GSE1: variants seen among roughly 807,000 people sequenced by gnomAD.
The protein encoded by GSE1 is Gse1 coiled-coil protein.
Under a neutral mutation model 112.6 loss-of-function variants are expected in GSE1, and 32 were observed. The ratio of observed to expected loss-of-function variants is 0.28; its 90% CI spans 0.21 to 0.38. The LOEUF is 0.38. Among genes scored for constraint, GSE1 ranks in the 10% least tolerant of loss-of-function variants. The pLI, the probability that GSE1 is intolerant of heterozygous loss-of-function variation, is 1.00. For missense variants in GSE1, 2,348 were observed against 1,699.2 expected (o/e 1.38, Z -6.71); for synonymous variants, 1,115 against 735.6 (o/e 1.52, Z -8.35).
Position 85,489,568 on chromosome 16 carries a change from C to T in GSE1, c.2464+131925C>T, listed in dbSNP as rs570009594. 3.9e-4 allele frequency among the ~76,000 whole-genome samples: 59 copies of T among 152,130 alleles called. No homozygotes were observed. In the South Asian group the frequency reaches 0.011, roughly 28 times the overall value. On this transcript the variant is annotated intron_variant, in intron 2 of 2. Transcript: ENST00000637419. Reference sequence around the variant, plus strand: ...CCCGCAGCGCCTGCCCCACAGCCCCCGCCCCATAGCACCCACCCCACAAGC... The same window carrying T: ...CCCGCAGCGCCTGCCCCACAGCCCCTGCCCCATAGCACCCACCCCACAAGC...
At chr16:85,626,901 G>T (rs1234837902) in intron 1 of GSE1, among the ~76,000 whole-genome samples, 1 of 152,016 alleles carries the variant, frequency 6.6e-6, no homozygotes, top group Non-Finnish European at 1.5e-5. Context: ...AAATCCTGCT[G>T]TTGGAGCGTT....
At chr16:85,427,617 G>C (rs2049023513) in intron 2 of GSE1, among the ~76,000 whole-genome samples, 1 of 152,108 alleles carries the variant, frequency 6.6e-6, no homozygotes, top group Admixed American at 6.6e-5. Flanking sequence ...ACTCCAGTCT[G>C]GGCGACAGAG....
At chr16:85,549,761 G>T (rs924571214) in intron 2 of GSE1, among the ~76,000 whole-genome samples, 1 of 152,196 alleles carries the variant, frequency 6.6e-6, no homozygotes, top group Non-Finnish European at 1.5e-5. Context: ...GACTAGAGCC[G>T]GACAGAAAGA....
At chr16:85,660,654 G>A (rs1376074805) in intron 8 of GSE1, among the ~76,000 whole-genome samples, 2 of 151,522 alleles carry the variant, frequency 1.3e-5, no homozygotes, top group African/African-American at 2.4e-5. Flanking sequence ...TTTTTGAGAC[G>A]GAGTCTTGCT....
At chr16:85,281,847 G>A (rs751031270) in intron 1 of GSE1, among the ~76,000 whole-genome samples, 40 of 152,146 alleles carry the variant, frequency 2.6e-4, no homozygotes, top group Non-Finnish European at 4.4e-4. Flanking sequence ...GAAGCAAAGC[G>A]GAATAGATTC....
chr16:85,344,823 G>C (rs1258642940), intron 1 of GSE1, among the ~76,000 whole-genome samples: 4 of 152,216 alleles, frequency 2.6e-5, no homozygotes, highest in African/African-American at 9.6e-5. Flanking sequence ...GAGAAGGGAG[G>C]GGAGGAGCCG....
chr16:85,312,981 GGGTTGCA>G (rs2045894795), intron 1 of GSE1, among the ~76,000 whole-genome samples: 1 of 152,068 alleles, frequency 6.6e-6, no homozygotes, highest in Admixed American at 6.5e-5. Context: ...AGGGCCAGCC[GGGTTGCA>G]GGTCCCTGGA....
intron 1 of GSE1, among the ~76,000 whole-genome samples, chr16:85,265,478 A>C (rs1361646075): frequency 6.6e-6 from 1 of 152,268 alleles, no homozygotes; most frequent in African/African-American, 2.4e-5. Flanking sequence ...GCCCCAGTTC[A>C]GGCCAATTCC....
At chr16:85,272,570 G>A (rs571707854) in intron 1 of GSE1, among the ~76,000 whole-genome samples, 6 of 152,152 alleles carry the variant, frequency 3.9e-5, no homozygotes, top group Non-Finnish European at 7.3e-5. Context: ...GGCAGTGGGA[G>A]GGGTGGAGCC....
chr16:85,282,302 A>G (rs1380728790), intron 1 of GSE1, among the ~76,000 whole-genome samples: 3 of 152,212 alleles, frequency 2.0e-5, no homozygotes, highest in African/African-American at 7.2e-5. Context: ...CTGGGATTAC[A>G]GGCGTGAGCC....
intron 1 of GSE1, among the ~76,000 whole-genome samples, chr16:85,224,491 G>T (rs1031272303): frequency 2.6e-5 from 4 of 152,052 alleles, no homozygotes; most frequent in Non-Finnish European, 5.9e-5. Flanking sequence ...GTTGGAGCCT[G>T]ACTCTCTAGG....
chr16:85,631,258 C>T (rs950942866), intron 1 of GSE1, among the ~76,000 whole-genome samples: 1 of 152,244 alleles, frequency 6.6e-6, no homozygotes, highest in Non-Finnish European at 1.5e-5. Context: ...CGGAGGTCCT[C>T]TGGACTGCCC....
At chr16:85,615,273 T>TGC (rs923285973) in intron 1 of GSE1, among the ~76,000 whole-genome samples, 6 of 152,292 alleles carry the variant, frequency 3.9e-5, no homozygotes, top group African/African-American at 1.4e-4. Flanking sequence ...CCGCCGGCTG[T>TGC]GCAGGGAGTC....
intron 1 of GSE1, among the ~76,000 whole-genome samples, chr16:85,305,048 G>T (rs149360876): frequency 6.6e-6 from 1 of 152,278 alleles, no homozygotes; most frequent in Non-Finnish European, 1.5e-5. Context: ...AACTCCTTAT[G>T]AGAGGCCCTC....
chr16:85,482,753 G>A (rs1567524639), intron 2 of GSE1, among the ~76,000 whole-genome samples: 3 of 152,128 alleles, frequency 2.0e-5, no homozygotes, highest in South Asian at 2.1e-4. Flanking sequence ...CAAGGAGGGC[G>A]GATCACCTGA....
chr16:85,605,600 G>A (rs567397965), intron 1 of GSE1, among the ~76,000 whole-genome samples: 4 of 152,136 alleles, frequency 2.6e-5, no homozygotes, highest in Admixed American at 2.6e-4. Flanking sequence ...CGGGTGTGCA[G>A]TGGGTGGAGA....
Position 85,668,368 on chromosome 16 carries a change from A to G in GSE1, c.3359A>G (p.Lys1120Arg), listed in dbSNP as rs751686763. The G allele has an allele frequency of 1.1e-5, 17 of 1,613,438 alleles. 1 individual carries two copies. In the South Asian group the frequency reaches 1.1e-4, roughly 10 times the overall value. ...GGAGAAGATGAGGAGGAAGTCCCCAAGCGCAAGTGGCAAGGGATCGAGGCC... is the reference window on the plus strand; with the variant it reads ...GGAGAAGATGAGGAGGAAGTCCCCAGGCGCAAGTGGCAAGGGATCGAGGCC... ...EDGEDEEEVP[K>R]RKWQGIEAVF... is the part of the protein sequence containing the mutation. The change falls in exon 14 of 16, where the codon AAG (lysine) becomes AGG (arginine). Residue 1120 changes from lysine to arginine, a missense_variant. Transcript: ENST00000253458.
intron 8 of GSE1, among the ~76,000 whole-genome samples, chr16:85,660,621 A>G (rs2052348959): frequency 1.3e-5 from 2 of 151,564 alleles, no homozygotes; most frequent in South Asian, 4.2e-4. Context: ...CCTGGGTGAC[A>G]GAGTGAGTCT....
At position 85,575,899 on chromosome 16, in the gene GSE1, T is replaced by C. The variant is rs149956878; in HGVS notation, c.37+19536T>C. Among the ~76,000 whole-genome samples the C allele has an allele frequency of 6.5e-4, 96 of 146,738 alleles. 3 individuals carry two copies. In the East Asian group the frequency reaches 0.013, roughly 20 times the overall value. The stretch of plus-strand genomic sequence containing the variant: ...TTGGCATTTGGTATGCTGCCTCGTT[T>C]CTGTTTTTTTTTTTTTTTTCCCCTT... On this transcript the variant is annotated intron_variant, in intron 1 of 2. Transcript: ENST00000635906.
Sources: gnomAD v4.1 joint callset for allele counts (sites outside exome capture counted in the v4.1 genomes callset) on GRCh38, gnomAD v4.1.1 for gene constraint, MANE v1.5 for transcripts, NCBI Gene and HGNC (gene_info 2026-07-23, HGNC 2026-07-21) for gene names.